Variants in TMC1 observed in about 807,000 individuals in gnomAD.
The protein encoded by TMC1 is transmembrane channel like 1.
Under a neutral mutation model 105.8 loss-of-function variants are expected in TMC1, and 84 were observed. The ratio of observed to expected loss-of-function variants is 0.79; its 90% CI spans 0.67 to 0.95. TMC1 has a LOEUF of 0.95. Ranked by LOEUF, TMC1 falls within the 40% of genes least tolerant of loss-of-function variation. The pLI is 0.00. For missense variants in TMC1, 817 were observed against 914.1 expected (o/e 0.89, Z 1.37); for synonymous variants, 315 against 311.5 (o/e 1.01, Z -0.12).
At chr9:72,763,124 T>C (rs2118095184) in intron 12 of TMC1, among the ~76,000 whole-genome samples, 1 of 150,850 alleles carries the variant, frequency 6.6e-6, no homozygotes, top group South Asian at 2.1e-4. Context: ...GTAACACATT[T>C]TAGTTTTCAT....
intron 1 of TMC1, among the ~76,000 whole-genome samples, chr9:72,561,018 T>A (rs1369200116): frequency 6.6e-6 from 1 of 151,700 alleles, no homozygotes; most frequent in African/African-American, 2.4e-5. Context: ...TTTTGGACAA[T>A]TAAAGAGAGA....
chr9:72,771,754 G>T (rs528956024), intron 12 of TMC1, among the ~76,000 whole-genome samples: 1 of 152,304 alleles, frequency 6.6e-6, no homozygotes, highest in Non-Finnish European at 1.5e-5. Flanking sequence ...AATGTTCTGA[G>T]AATAAAGAGG....
intron 18 of TMC1, among the ~76,000 whole-genome samples, chr9:72,813,730 C>G (rs952695342): frequency 1.3e-5 from 2 of 152,126 alleles, no homozygotes; most frequent in Non-Finnish European, 1.5e-5. Flanking sequence ...GTATGCTGAC[C>G]TTTGGTCTAG....
intron 13 of TMC1, among the ~76,000 whole-genome samples, chr9:72,786,854 A>G (rs1279997257): frequency 2.0e-5 from 3 of 152,146 alleles, no homozygotes; most frequent in African/African-American, 7.2e-5. Context: ...TGCCAGTGAT[A>G]AAACTCCATT....
chr9:72,557,878 G>T (rs1238534478), intron 1 of TMC1, among the ~76,000 whole-genome samples: 1 of 152,206 alleles, frequency 6.6e-6, no homozygotes, highest in African/African-American at 2.4e-5. Flanking sequence ...TTGTCATTGA[G>T]CAATACCTGG....
chr9:72,603,783 C>T (rs898792616), intron 2 of TMC1, among the ~76,000 whole-genome samples: 1 of 148,368 alleles, frequency 6.7e-6, no homozygotes, highest in Non-Finnish European at 1.5e-5. Flanking sequence ...TTCCTGACCT[C>T]GTGATCCACC....
At position 72,688,593 on chromosome 9, in the gene TMC1, A is replaced by G. The variant is rs1255524448; in HGVS notation, c.17-116A>G. 6 of 1,004,514 alleles carry G rather than the reference A, an allele frequency of 6.0e-6. No individual in the cohort carries two copies. In the East Asian group the frequency reaches 1.0e-4, roughly 17 times the overall value. 62.2% of individuals were successfully genotyped at this position (1,004,514 alleles called of 1,614,324 possible). On this transcript the variant is annotated intron_variant, in intron 5 of 23. Coordinates refer to ENST00000297784, the MANE Select transcript of TMC1 (RefSeq NM_138691.3). ...CGTGCTCATTTTGGCAAGTTTATGG[A>G]AAAATTGTATTAACTGCACAAAAAC...
rs139037403 is a variant in TMC1, at chr9:72,687,563, T to C, written c.17-1146T>C. Among the ~76,000 whole-genome samples the C allele has an allele frequency of 2.7e-3, 412 of 152,346 alleles. 2 individuals carry two copies. Among genetic ancestry groups the C allele is most frequent in the Admixed American group, 4.9e-3 (75 of 15,294 alleles). On this transcript the variant is annotated intron_variant, in intron 5 of 23. Coordinates refer to ENST00000297784, the MANE Select transcript of TMC1 (RefSeq NM_138691.3). ...AACATTTATTTTCACATTCTGTGGC[T>C]GATGTTGAGTGATAACATTTTTGCA...
intron 2 of TMC1, among the ~76,000 whole-genome samples, chr9:72,589,319 T>C (rs1824599767): frequency 1.3e-5 from 2 of 152,238 alleles, no homozygotes; most frequent in East Asian, 3.8e-4. Context: ...ATTAAATACA[T>C]TGTGTTTCAC....
intron 19 of TMC1, 95 bp downstream of exon 19, chr9:72,816,305 A>G (rs568579981): frequency 9.1e-6 from 11 of 1,215,164 alleles, no homozygotes; most frequent in East Asian, 4.7e-5. Flanking sequence ...GGAGAATACA[A>G]TCGGTGTCTA....
Position 72,627,992 on chromosome 9 carries a change from T to C in TMC1, c.-124T>C, listed in dbSNP as rs533837914. 2.8e-4 allele frequency: 128 copies of C among 455,702 alleles called. No homozygotes were observed. The highest frequency in any genetic ancestry group is 1.0e-3 in the South Asian group (67 of 64,534). 28.2% of individuals were successfully genotyped at this position (455,702 alleles called of 1,614,324 possible). A position where few individuals can be genotyped will look rare whatever the true frequency, so the allele number is the denominator to read the frequency against. Reference sequence around the variant, plus strand: ...GAAAATCTCTGCTGGGGGCAGCAACTTTGAGCCTGTGGGGAAGGAACTGTC... The same window carrying C: ...GAAAATCTCTGCTGGGGGCAGCAACCTTGAGCCTGTGGGGAAGGAACTGTC... On this transcript the variant is annotated 5_prime_UTR_variant, in exon 4 of 24. Transcript: ENST00000297784.
intron 11 of TMC1, among the ~76,000 whole-genome samples, chr9:72,754,465 CCT>C (rs1460312599): frequency 6.6e-6 from 1 of 152,110 alleles, no homozygotes; most frequent in Non-Finnish European, 1.5e-5. Flanking sequence ...CAAAAGGCTA[CCT>C]CTCTCCTTTC....
chr9:72,558,160 T>TTCTCTCTTTCTCTC, intron 1 of TMC1, among the ~76,000 whole-genome samples: 1 of 151,782 alleles, frequency 6.6e-6, no homozygotes, highest in Non-Finnish European at 1.5e-5. Context: ...CTCTCTCTCT[T>TTCTCTCTTTCTCTC]TCTCTCTTTC....
intron 2 of TMC1, among the ~76,000 whole-genome samples, chr9:72,603,848 G>GTTTTTTTTT (rs534608884): frequency 2.7e-5 from 2 of 74,006 alleles, no homozygotes; most frequent in African/African-American, 5.3e-5. Flanking sequence ...GCGACCGGCT[G>GTTTTTTTTT]TTTTTTTTTT....
At chr9:72,675,898 C>G (rs1007916253) in intron 5 of TMC1, among the ~76,000 whole-genome samples, 7 of 151,702 alleles carry the variant, frequency 4.6e-5, no homozygotes, top group African/African-American at 1.7e-4. Flanking sequence ...GTAAATCTCC[C>G]AATCTAGGCT....
At chr9:72,642,343 G>A (rs1825642682) in intron 4 of TMC1, among the ~76,000 whole-genome samples, 1 of 152,104 alleles carries the variant, frequency 6.6e-6, no homozygotes, top group Non-Finnish European at 1.5e-5. Context: ...CACACTTCCT[G>A]TTTCATTCCT....
At chr9:72,746,116 A>G (rs1341774258) in intron 10 of TMC1, among the ~76,000 whole-genome samples, 1 of 152,236 alleles carries the variant, frequency 6.6e-6, no homozygotes, top group Non-Finnish European at 1.5e-5. Flanking sequence ...TACCCTACTT[A>G]TAGAATACAT....
chr9:72,780,827 C>G (rs527550692), intron 13 of TMC1, among the ~76,000 whole-genome samples: 1 of 152,236 alleles, frequency 6.6e-6, no homozygotes, highest in Admixed American at 6.5e-5. Context: ...AAAATAAGTT[C>G]TTGACCCACA....
chr9:72,724,944 A>G (rs775209046), intron 8 of TMC1, among the ~76,000 whole-genome samples: 5 of 152,210 alleles, frequency 3.3e-5, no homozygotes, highest in Non-Finnish European at 7.4e-5. Context: ...TACATTTGAC[A>G]TAATACATTA....
Sources: allele counts gnomAD v4.1 joint callset (sites outside exome capture counted in the v4.1 genomes callset), GRCh38; gene constraint gnomAD v4.1.1; transcripts MANE v1.5; gene names NCBI Gene and HGNC (gene_info 2026-07-23, HGNC 2026-07-21).